Variants in FRZB observed in about 807,000 individuals in gnomAD.
FRZB encodes secreted frizzled-related protein 3.
A neutral mutation model predicts 32.5 loss-of-function variants in FRZB; 34 were observed. The observed-to-expected ratio is 1.05, with a 90% CI of 0.80 to 1.39. The LOEUF (loss-of-function observed/expected upper bound fraction) is 1.39, where lower values mean the gene tolerates loss of function less well. Ranked by LOEUF, FRZB falls within the 40% of genes most tolerant of loss-of-function variation. The pLI, the probability that FRZB is intolerant of heterozygous loss-of-function variation, is 0.00. For synonymous variants in FRZB, 170 were observed against 159.2 expected, an observed-to-expected ratio of 1.07 and a Z score of -0.51; for missense variants, 423 against 424.8, an observed-to-expected ratio of 1.00 and a Z score of 0.04.
Position 182,838,449 on chromosome 2 carries a change from C to A in FRZB, c.757G>T (p.Glu253Ter). The A allele has an allele frequency of 6.2e-7, 1 of 1,612,694 alleles. No homozygotes were observed. ...TCTTCATAGCCCATGATGATATATTCCTCATTAACATTAAGTGGAGGGCAG... is the reference window on the plus strand; with the variant it reads ...TCTTCATAGCCCATGATGATATATTACTCATTAACATTAAGTGGAGGGCAG... ...CLCPPLNVNE[E>*]YIIMGYEDEE... is the part of the protein sequence containing the mutation. The change falls in exon 4 of 6, where the codon GAA (glutamate) becomes TAA (stop). Residue 253 changes from glutamate (E) to a stop codon, truncating the protein, a stop_gained. Transcript: ENST00000295113. LOFTEE classifies it high-confidence loss of function.
intron 2 of FRZB, among the ~76,000 whole-genome samples, chr2:182,856,477 T>C (rs1695771127): frequency 6.6e-6 from 1 of 151,700 alleles, no homozygotes; most frequent in Non-Finnish European, 1.5e-5. Context: ...CAAATATGAA[T>C]AACTACATTA....
At position 182,849,044 on chromosome 2, in the gene FRZB, G is replaced by A. The variant is rs1574985499; in HGVS notation, c.527-6501C>T. ...AGATCGAGACCATCCTGGCTAACAC[G>A]GTGAAACCCCGTCTCTACTAAAAAT... On this transcript the variant is annotated intron_variant, in intron 2 of 5. Coordinates refer to ENST00000295113, the MANE Select transcript of FRZB (RefSeq NM_001463.4). 4.6e-5 allele frequency among the ~76,000 whole-genome samples: 7 copies of A among 152,136 alleles called. No individual in the cohort carries two copies. The South Asian group carries it at 1.0e-3, about 23-fold the overall frequency.
intron 2 of FRZB, among the ~76,000 whole-genome samples, chr2:182,854,188 A>T (rs766924464): frequency 5.9e-5 from 9 of 152,198 alleles, no homozygotes; most frequent in Non-Finnish European, 1.2e-4. Flanking sequence ...TGGTAATGTT[A>T]CATATCTTGG....
At chr2:182,847,706 G>A (rs1251995585) in intron 2 of FRZB, among the ~76,000 whole-genome samples, 3 of 152,168 alleles carry the variant, frequency 2.0e-5, no homozygotes, top group Non-Finnish European at 4.4e-5. Context: ...ATCAGCTATG[G>A]GGAATGAGGG....
chr2:182,856,209 A>T (rs1367318477), intron 2 of FRZB, among the ~76,000 whole-genome samples: 1 of 152,028 alleles, frequency 6.6e-6, no homozygotes, highest in Non-Finnish European at 1.5e-5. Context: ...GGAAGTATGG[A>T]ATGTTGGAAA....
rs552968780 is a variant in FRZB at position 182,859,661 on chromosome 2, C to T, written c.479-828G>A. Among the ~76,000 whole-genome samples the T allele has an allele frequency of 2.5e-4, 38 of 152,134 alleles. 1 individual carries two copies. The East Asian group carries it at 7.3e-3, about 29-fold the overall frequency. ...GAGAAAATAGTATTCTTCCTTTGTC[C>T]TTTTTGTTTATAGGTCCTATCAGGA... On this transcript the variant is annotated intron_variant, in intron 1 of 5. Transcript: ENST00000295113.
At chr2:182,842,684 C>G (rs1302051449) in intron 2 of FRZB, 141 bp from the exon 3 acceptor site, 2 of 611,314 alleles carry the variant, frequency 3.3e-6, no homozygotes, top group Non-Finnish European at 5.9e-6. Flanking sequence ...TGAATTTTTT[C>G]TCCTGGAACT....
chr2:182,846,820 C>A (rs1420292979), intron 2 of FRZB, among the ~76,000 whole-genome samples: 1 of 152,158 alleles, frequency 6.6e-6, no homozygotes, highest in East Asian at 1.9e-4. Flanking sequence ...ATGAGCAGTT[C>A]CAAAATTTTT....
At chr2:182,861,173 T>C (rs1395341503) in intron 1 of FRZB, among the ~76,000 whole-genome samples, 2 of 152,216 alleles carry the variant, frequency 1.3e-5, no homozygotes, top group Non-Finnish European at 2.9e-5. Flanking sequence ...AAACCTTTGT[T>C]CCTTTAACTG....
chr2:182,846,327 C>T (rs1487303002), intron 2 of FRZB, among the ~76,000 whole-genome samples: 2 of 152,064 alleles, frequency 1.3e-5, no homozygotes, highest in African/African-American at 4.8e-5. Flanking sequence ...GGGTCTTATC[C>T]AGAGGTGTAA....
intron 2 of FRZB, among the ~76,000 whole-genome samples, chr2:182,844,781 G>A (rs1215000718): frequency 6.6e-6 from 1 of 152,042 alleles, no homozygotes. Flanking sequence ...ACAAAGCTAT[G>A]CATACAACTA....
rs1434442717 is a variant in FRZB at position 182,834,762 on chromosome 2, G to A, written c.*87C>T. The A allele has an allele frequency of 1.2e-6, 1 of 856,916 alleles. No individual in the cohort carries two copies. The highest frequency in any genetic ancestry group is 2.0e-6 in the Non-Finnish European group (1 of 490,240). The allele number at this position is 856,916 out of a possible 1,614,324, so 53.1% of individuals were successfully genotyped here. A position where few individuals can be genotyped will look rare whatever the true frequency, so the allele number is the denominator to read the frequency against. On this transcript the variant is annotated 3_prime_UTR_variant, in exon 6 of 6. Coordinates refer to ENST00000295113, the MANE Select transcript of FRZB (RefSeq NM_001463.4). ...TATAGTAAACAATAGAATATGATGT[G>A]CAATAGTGCAATTTTCCTTTGCTAG... is the stretch of plus-strand genomic sequence containing the variant.
chr2:182,864,764 T>G (rs1006836938), intron 1 of FRZB, among the ~76,000 whole-genome samples: 5 of 152,144 alleles, frequency 3.3e-5, no homozygotes, highest in African/African-American at 1.2e-4. Flanking sequence ...GGAAATGGAC[T>G]GGGGACATGC....
chr2:182,842,871 T>C (rs577389859), intron 2 of FRZB, among the ~76,000 whole-genome samples: 1 of 152,306 alleles, frequency 6.6e-6, no homozygotes, highest in Admixed American at 6.5e-5. Context: ...TATGGAAGTA[T>C]TAATATTATG....
At chr2:182,859,242 A>G (rs1695804532) in intron 1 of FRZB, among the ~76,000 whole-genome samples, 1 of 152,138 alleles carries the variant, frequency 6.6e-6, no homozygotes, top group South Asian at 2.1e-4. Context: ...CTGAACTGGT[A>G]TATATTTAAA....
At position 182,859,338 on chromosome 2, in the gene FRZB, A is replaced by C. The variant is rs534778720; in HGVS notation, c.479-505T>G. On this transcript the variant is annotated intron_variant, in intron 1 of 5. Coordinates refer to ENST00000295113, the MANE Select transcript of FRZB (RefSeq NM_001463.4). ...TAATTCTTCAACAGAAAAGAAACCTACTATTCAGGGACTATTCAAGCCAGT... is the reference window on the plus strand; with the variant it reads ...TAATTCTTCAACAGAAAAGAAACCTCCTATTCAGGGACTATTCAAGCCAGT... Among the ~76,000 whole-genome samples, 16 of 152,270 alleles carry C rather than the reference A, an allele frequency of 1.1e-4. No homozygotes were observed. The South Asian group carries it at 3.3e-3, about 32-fold the overall frequency.
intron 2 of FRZB, among the ~76,000 whole-genome samples, chr2:182,857,675 A>C (rs1695785043): frequency 6.6e-6 from 1 of 151,968 alleles, no homozygotes; most frequent in Non-Finnish European, 1.5e-5. Flanking sequence ...AAACAAAAGA[A>C]AAAGCAAAAT....
chr2:182,851,819 T>G (rs1695713461), intron 2 of FRZB, among the ~76,000 whole-genome samples: 1 of 152,100 alleles, frequency 6.6e-6, no homozygotes, highest in Non-Finnish European at 1.5e-5. Flanking sequence ...ATTCAGCCTA[T>G]GTAGCTTGAT....
At position 182,866,217 on chromosome 2, in the gene FRZB, GCA is replaced by G; in HGVS notation, c.334_335del (p.Cys112ArgfsTer8). 1.2e-6 allele frequency: 2 copies of G among 1,614,118 alleles called. No homozygotes were observed. Among genetic ancestry groups the G allele is most frequent in the Admixed American group, 1.7e-5 (1 of 60,028 alleles). The part of the protein sequence containing the change: ...HEPIKPCKSV[C>X]ERARQGCEPI... Reference sequence around the variant, plus strand: ...GCTCACAGCCCTGCCGGGCCCGCTCGCACACAGACTTACAGGGCTTGATGGGC... The same window carrying G: ...GCTCACAGCCCTGCCGGGCCCGCTCGCACAGACTTACAGGGCTTGATGGGC... On this transcript the variant is annotated frameshift_variant, in exon 1 of 6. Coordinates refer to ENST00000295113, the MANE Select transcript of FRZB (RefSeq NM_001463.4). LOFTEE classifies it high-confidence loss of function. This position sits in a 1 kb window ranked among gnomAD's most constrained non-coding sequence, Gnocchi z 4.5.
Sources: gnomAD v4.1 joint callset for allele counts (sites outside exome capture counted in the v4.1 genomes callset) on GRCh38, gnomAD v4.1.1 for gene constraint, Gnocchi (gnomAD v3.1) non-coding constraint, MANE v1.5 for transcripts, NCBI Gene and HGNC (gene_info 2026-07-23, HGNC 2026-07-21) for gene names.